The following HEATR5B variants were observed in gnomAD, a reference collection of about 807,000 sequenced individuals.
HEATR5B encodes HEAT repeat containing 5B, also known as HEAT repeat-containing protein 5B.
In HEATR5B, 156 loss-of-function variants were observed where a neutral mutation model predicts 224.1. The observed-to-expected ratio is 0.70, with a 90% CI of 0.61 to 0.80. The LOEUF is 0.80. Ranked by LOEUF, HEATR5B falls within the 30% of genes least tolerant of loss-of-function variation. The pLI is 0.00. For missense variants in HEATR5B, 2,323 were observed against 2,535.5 expected, an observed-to-expected ratio of 0.92 and a Z score of 1.80; for synonymous variants, 1,027 against 893.0, an observed-to-expected ratio of 1.15 and a Z score of -2.68.
chr2:37,007,337 CT>C (rs3080796), intron 28 of HEATR5B, 33 bp from the exon 29 acceptor site: 78,113 of 1,138,398 alleles, frequency 0.069, 2 homozygotes, highest in Middle Eastern at 0.081. Flanking sequence ...AAAAACATTA[CT>C]TTTTTTTTTT....
chr2:37,052,675 G>A (rs1670634567), intron 17 of HEATR5B, among the ~76,000 whole-genome samples: 1 of 152,204 alleles, frequency 6.6e-6, no homozygotes, highest in South Asian at 2.1e-4. Flanking sequence ...TTTGGGGCCA[G>A]TATGAAGTAA....
intron 17 of HEATR5B, among the ~76,000 whole-genome samples, chr2:37,051,695 A>T (rs1255490374): frequency 6.6e-6 from 1 of 152,080 alleles, no homozygotes; most frequent in Non-Finnish European, 1.5e-5. Flanking sequence ...CTCAGAGTAC[A>T]TACTAATGGT....
At chr2:36,984,215 A>AAAAAAAAAAAAAAAAAAAATAT in intron 35 of HEATR5B, among the ~76,000 whole-genome samples, 7 of 77,642 alleles carry the variant, frequency 9.0e-5, no homozygotes, top group East Asian at 6.2e-4. Context: ...AAAAAAAAAA[A>AAAAAAAAAAAAAAAAAAAATAT]ATATATATAT....
At chr2:37,082,934 A>G (rs1018277741) in intron 2 of HEATR5B, among the ~76,000 whole-genome samples, 42 of 152,178 alleles carry the variant, frequency 2.8e-4, no homozygotes, top group Non-Finnish European at 6.2e-4. Flanking sequence ...TAAAAAAAAA[A>G]AAGAGCCTAT....
chr2:37,049,997 C>G (rs1455791522), intron 17 of HEATR5B, among the ~76,000 whole-genome samples, 154 bp from the exon 18 acceptor site: 5 of 151,824 alleles, frequency 3.3e-5, no homozygotes, highest in African/African-American at 1.2e-4. Context: ...CTCAAGCAAT[C>G]CTCCCAGCTC....
intron 21 of HEATR5B, among the ~76,000 whole-genome samples, chr2:37,033,715 C>T (rs1297247669): frequency 1.3e-5 from 2 of 152,160 alleles, no homozygotes; most frequent in East Asian, 3.9e-4. Context: ...TGAATCCTGG[C>T]TCTGTCACTT....
intron 29 of HEATR5B, among the ~76,000 whole-genome samples, chr2:37,006,847 G>A (rs559703562): frequency 6.6e-6 from 1 of 152,150 alleles, no homozygotes; most frequent in Non-Finnish European, 1.5e-5. Flanking sequence ...GAGCATGACA[G>A]TTAAGTAGTT....
At chr2:37,012,508 A>G (rs1446173383) in intron 27 of HEATR5B, among the ~76,000 whole-genome samples, 1 of 152,032 alleles carries the variant, frequency 6.6e-6, no homozygotes, top group East Asian at 1.9e-4. Flanking sequence ...CTCCTGCCTC[A>G]GCCTCCCAAG....
At chr2:37,066,467 A>T (rs1671595072) in intron 8 of HEATR5B, among the ~76,000 whole-genome samples, 1 of 152,228 alleles carries the variant, frequency 6.6e-6, no homozygotes, top group Non-Finnish European at 1.5e-5. Flanking sequence ...TATTGGAGGT[A>T]TCTGTTAAAT....
chr2:37,073,338 A>C (rs1672023427), intron 5 of HEATR5B, among the ~76,000 whole-genome samples: 1 of 152,258 alleles, frequency 6.6e-6, no homozygotes, highest in Admixed American at 6.5e-5. Flanking sequence ...AAACTAAAAA[A>C]GAAAAATCAA....
chr2:36,985,621 CTTTTTTTTTTTTTT>C lies in HEATR5B; in HGVS notation c.5911+3011_5911+3024del, dbSNP rs558499229. Among the ~76,000 whole-genome samples the C allele has an allele frequency of 6.7e-3, 617 of 92,334 alleles. 8 individuals carry two copies. The highest frequency in any genetic ancestry group is 0.028 in the African/African-American group (592 of 20,774). The allele number at this position is 92,334 out of a possible 152,430, so 60.6% of individuals were successfully genotyped here. A position where few individuals can be genotyped will look rare whatever the true frequency, so the allele number is the denominator to read the frequency against. ...TACAGGCATGTGCCACCACTCCTGG[CTTTTTTTTTTTTTT>C]TTTTTTTTTTCAGTAGAGACGGGGT... On this transcript the variant is annotated intron_variant, in intron 35 of 35. Transcript: ENST00000233099.
chr2:36,988,950 G>A lies in HEATR5B; in HGVS notation c.5698-91C>T, dbSNP rs189376180. The A allele has an allele frequency of 1.3e-5, 12 of 917,980 alleles. No individual in the cohort carries two copies. In the East Asian group the frequency reaches 2.0e-4, roughly 16 times the overall value. The allele number at this position is 917,980 out of a possible 1,614,324, so 56.9% of individuals were successfully genotyped here. A position where few individuals can be genotyped will look rare whatever the true frequency, so the allele number is the denominator to read the frequency against. On this transcript the variant is annotated intron_variant, in intron 34 of 35. Transcript: ENST00000233099. ...GCATCTTACTATGTACTGAAAATAA[G>A]TGATACTGCAGGACAAAAATGGAAA...
Position 37,028,061 on chromosome 2 carries a change from G to C in HEATR5B, c.3715C>G (p.Pro1239Ala), listed in dbSNP as rs1177927433. The C allele has an allele frequency of 5.0e-6, 8 of 1,613,948 alleles. No homozygotes were observed. The Admixed American group carries it at 5.0e-5, about 10-fold the overall frequency. The stretch of plus-strand genomic sequence containing the variant: ...GTGGCCCAGCGAGGGGCCACAAAGG[G>C]CTTTGATTTATCTTCTTCACCTAAC... Reference protein sequence around the residue: ...TTLGEEDKSKPFVAPRWATRV... With the variant: ...TTLGEEDKSKAFVAPRWATRV... Residue 1239 changes from proline (P) to alanine (A), a missense_variant, in exon 24 of 36, where the codon CCC becomes GCC. Pro to Ala is a conservative substitution (Grantham distance 27). Coordinates refer to ENST00000233099, the MANE Select transcript of HEATR5B (RefSeq NM_019024.3).
chr2:36,995,949 G>A (rs1461974317), intron 33 of HEATR5B, among the ~76,000 whole-genome samples: 5 of 152,178 alleles, frequency 3.3e-5, no homozygotes, highest in Admixed American at 2.0e-4. Context: ...GCAGTGGTGC[G>A]ATCTGGGCTC....
chr2:37,020,614 A>G (rs1372421915), intron 25 of HEATR5B, 41 bp downstream of exon 25: 1 of 1,431,236 alleles, frequency 7.0e-7, no homozygotes, highest in Middle Eastern at 2.0e-4. Context: ...CAATCTTTCA[A>G]AAGATCAATT....
chr2:37,063,433 C>T (rs1671403954), intron 10 of HEATR5B, among the ~76,000 whole-genome samples: 2 of 152,102 alleles, frequency 1.3e-5, no homozygotes, highest in African/African-American at 4.8e-5. Flanking sequence ...ACCAGTTTAC[C>T]AGACAAAGGA....
Position 37,079,170 on chromosome 2 carries a change from A to C in HEATR5B, c.288T>G (p.Asn96Lys). The change falls in exon 3 of 36, where the codon AAT becomes AAG. Residue 96 changes from asparagine to lysine, a missense_variant. By Grantham distance (94) the Asn-to-Lys change is moderately conservative. Around this residue, in one of 12 missense-constraint regions of HEATR5B, gnomAD observed 292 missense variants for 332.6 expected, o/e 0.88. Coordinates refer to ENST00000233099, the MANE Select transcript of HEATR5B (RefSeq NM_019024.3). ...TGTCATCTTTATTTCTGATAATGTCATTGCATTTATCAAGTGTCTGAAAAA... is the reference window on the plus strand; with the variant it reads ...TGTCATCTTTATTTCTGATAATGTCCTTGCATTTATCAAGTGTCTGAAAAA... ...FTVFQTLDKC[N>K]DIIRNKDDTA... The C allele has an allele frequency of 6.2e-7, 1 of 1,610,922 alleles. No individual in the cohort carries two copies. Among genetic ancestry groups the C allele is most frequent in the Non-Finnish European group, 8.5e-7 (1 of 1,177,658 alleles).
At chr2:36,983,490 G>T (rs111664461) in intron 35 of HEATR5B, among the ~76,000 whole-genome samples, 43,326 of 151,686 alleles carry the variant, frequency 0.29, 6,502 homozygotes, top group African/African-American at 0.34. Context: ...GGTGAGCCGA[G>T]ATCGTGCCAT....
intron 33 of HEATR5B, among the ~76,000 whole-genome samples, chr2:36,995,635 G>A (rs1259695001): frequency 3.9e-5 from 6 of 152,110 alleles, no homozygotes; most frequent in Admixed American, 3.9e-4. Flanking sequence ...CTACCACCCA[G>A]TAATAGTTTA....
Sources: allele counts gnomAD v4.1 joint callset (sites outside exome capture counted in the v4.1 genomes callset), GRCh38; gene constraint gnomAD v4.1.1; regional missense constraint gnomAD v4.1.1; transcripts MANE v1.5; gene names NCBI Gene and HGNC (gene_info 2026-07-23, HGNC 2026-07-21).